Variants in PLCE1 observed in about 807,000 individuals in gnomAD.
The protein encoded by PLCE1 is 1-phosphatidylinositol 4,5-bisphosphate phosphodiesterase epsilon-1.
In PLCE1, 119 loss-of-function variants were observed where a neutral mutation model predicts 242.8. The observed-to-expected ratio is 0.49, with a 90% CI of 0.42 to 0.57. The LOEUF (loss-of-function observed/expected upper bound fraction) is 0.57. PLCE1 is among the 20% of genes least tolerant of loss of function. The probability of loss-of-function intolerance (pLI) is 0.00; values close to 1 mark genes in which losing one functional copy is unlikely to be tolerated. For missense variants in PLCE1, 2,441 were observed against 2,788.8 expected (o/e 0.88, Z 2.81); for synonymous variants, 945 against 1,017.4 (o/e 0.93, Z 1.35).
chr10:94,309,375 G>A (rs1404090542), intron 27 of PLCE1, among the ~76,000 whole-genome samples: 1 of 151,954 alleles, frequency 6.6e-6, no homozygotes. Context: ...CTGTCACCCA[G>A]GTTGGAGTGC....
At chr10:94,195,458 G>C (rs1261265313) in intron 4 of PLCE1, among the ~76,000 whole-genome samples, 2 of 152,084 alleles carry the variant, frequency 1.3e-5, no homozygotes, top group African/African-American at 2.4e-5. Context: ...AATAGAAGCA[G>C]AAGTTTGGAT....
At position 94,032,043 on chromosome 10, in the gene PLCE1, G is replaced by T; in HGVS notation, c.997G>T (p.Asp333Tyr). Residue 333 changes from aspartate to tyrosine, a missense_variant, in exon 2 of 33, where the codon GAC (aspartate) becomes TAC (tyrosine). This residue lies in a region of PLCE1 where 1 missense variants were observed against 16.3 expected (regional missense o/e 0.06). Coordinates refer to ENST00000371380, the MANE Select transcript of PLCE1 (RefSeq NM_016341.4). ...GTTAGTCAGGAGATTCTGTAAAAATGACAGAGAAGTTAAGAAATCTGTGTA... is the reference window on the plus strand; with the variant it reads ...GTTAGTCAGGAGATTCTGTAAAAATTACAGAGAAGTTAAGAAATCTGTGTA... ...TLLVRRFCKNDREVKKSVYTG... is the reference protein window; with the variant it reads ...TLLVRRFCKNYREVKKSVYTG... 6.2e-7 allele frequency: 1 copy of T among 1,613,412 alleles called. No homozygotes were observed. The highest frequency in any genetic ancestry group is 1.1e-5 in the South Asian group (1 of 91,000).
intron 1 of PLCE1, among the ~76,000 whole-genome samples, chr10:94,026,857 C>A (rs2061460462): frequency 6.6e-6 from 1 of 152,136 alleles, no homozygotes; most frequent in Non-Finnish European, 1.5e-5. Flanking sequence ...TTCACTGATA[C>A]AACAGAGCTG....
rs112147788 is a variant in PLCE1 at position 94,146,433 on chromosome 10, G to A, written c.1492+13974G>A. 5.3e-3 allele frequency among the ~76,000 whole-genome samples: 807 copies of A among 152,260 alleles called. 6 individuals are homozygous for A. Among genetic ancestry groups the A allele is most frequent in the African/African-American group, 0.017 (710 of 41,546 alleles). On this transcript the variant is annotated intron_variant, in intron 3 of 32. Coordinates refer to ENST00000371380, the MANE Select transcript of PLCE1 (RefSeq NM_016341.4). ...TCTCCCGCCTCGTGCCAAGGGGTCC[G>A]TGCTGCTAAACTCCTCCCCTGAGTT...
intron 29 of PLCE1, among the ~76,000 whole-genome samples, chr10:94,319,774 G>A (rs2053713059): frequency 6.6e-6 from 1 of 151,734 alleles, no homozygotes; most frequent in Admixed American, 6.6e-5. Flanking sequence ...ATAAGTGAGG[G>A]CTATTGTTAT....
chr10:94,283,729 A>G, intron 20 of PLCE1, 61 bp from the exon 21 acceptor site: 1 of 1,573,280 alleles, frequency 6.4e-7, no homozygotes, highest in Admixed American at 1.7e-5. Context: ...AGTGATGCAC[A>G]TGTAGCTCTT....
chr10:94,010,798 A>G (rs2061154088), intron 1 of PLCE1, among the ~76,000 whole-genome samples: 1 of 152,210 alleles, frequency 6.6e-6, no homozygotes, highest in African/African-American at 2.4e-5. Context: ...CTGCAGTTCC[A>G]ATAACTTCCT....
chr10:94,156,089 C>T (rs566020033), intron 3 of PLCE1, among the ~76,000 whole-genome samples: 1 of 152,198 alleles, frequency 6.6e-6, no homozygotes, highest in African/African-American at 2.4e-5. Context: ...GATAATAATG[C>T]CACAGTGGAA....
At chr10:94,073,114 C>T (rs1174758543) in intron 2 of PLCE1, among the ~76,000 whole-genome samples, 2 of 152,144 alleles carry the variant, frequency 1.3e-5, no homozygotes, top group African/African-American at 4.8e-5. Context: ...TTTCCCACCC[C>T]AAACTTCCAG....
chr10:94,045,816 T>C (rs1419798905), intron 2 of PLCE1, among the ~76,000 whole-genome samples: 1 of 152,074 alleles, frequency 6.6e-6, no homozygotes, highest in African/African-American at 2.4e-5. Flanking sequence ...ATAACCTTGG[T>C]TGGGCCAGGC....
At chr10:94,154,106 C>A (rs1476888206) in intron 3 of PLCE1, among the ~76,000 whole-genome samples, 2 of 152,132 alleles carry the variant, frequency 1.3e-5, no homozygotes, top group African/African-American at 4.8e-5. Flanking sequence ...TGTTGTGATA[C>A]AGGCATAAAG....
chr10:94,231,195 A>G (rs2050132105), intron 5 of PLCE1, among the ~76,000 whole-genome samples: 1 of 152,204 alleles, frequency 6.6e-6, no homozygotes, highest in Non-Finnish European at 1.5e-5. Context: ...ATTCAACAAT[A>G]AAGAATTGAT....
Position 94,316,686 on chromosome 10 carries a change from T to C in PLCE1, c.6272T>C (p.Met2091Thr). The change falls in exon 29 of 33, where the codon ATG becomes ACG. Residue 2091 changes from methionine to threonine, a missense_variant. This residue lies in a region of PLCE1 where 310 missense variants were observed against 317.2 expected (regional missense o/e 0.98). Transcript: ENST00000371380. Reference sequence around the variant, plus strand: ...GCCATTGGTCCAGAAGAGGAGATCATGCAAATTTTAAGCAGCTGGTTTCCA... The same window carrying C: ...GCCATTGGTCCAGAAGAGGAGATCACGCAAATTTTAAGCAGCTGGTTTCCA... ...QRAIGPEEEI[M>T]QILSSWFPEE... is the part of the protein sequence containing the mutation. 6.2e-7 allele frequency: 1 copy of C among 1,614,034 alleles called. No individual in the cohort carries two copies. Among genetic ancestry groups the C allele is most frequent in the Non-Finnish European group, 8.5e-7 (1 of 1,179,922 alleles).
In PLCE1 at chr10:94,110,065, T is replaced by TTTTTC. The variant is rs1266821281; in HGVS notation, c.1207-22105_1207-22104insCTTTT. 7.8e-4 allele frequency among the ~76,000 whole-genome samples: 86 copies of TTTTTC among 110,164 alleles called. 1 individual carries two copies. Among genetic ancestry groups the TTTTTC allele is most frequent in the Non-Finnish European group, 1.3e-3 (67 of 52,388 alleles). The allele number at this position is 110,164 out of a possible 152,430, so 72.3% of individuals were successfully genotyped here. ...TTCCTTTTTTTCTTTTTTCTTTTTT[T>TTTTTC]TTTTTTTTTTTTTTTGAGATGGAGT... On this transcript the variant is annotated intron_variant, in intron 2 of 32. Coordinates refer to ENST00000371380, the MANE Select transcript of PLCE1 (RefSeq NM_016341.4).
At chr10:94,036,240 A>G (rs896247061) in intron 2 of PLCE1, among the ~76,000 whole-genome samples, 1 of 152,208 alleles carries the variant, frequency 6.6e-6, no homozygotes, top group African/African-American at 2.4e-5. Context: ...CACTCTGGCC[A>G]CTGTGGATAT....
intron 2 of PLCE1, among the ~76,000 whole-genome samples, chr10:94,106,912 T>TTCTCTCTCTC (rs771182277): frequency 0.11 from 4,178 of 38,682 alleles, 660 homozygotes; most frequent in Admixed American, 0.22. Context: ...TGTCTCTTGT[T>TTCTCTCTCTC]TCTCTCTCTC....
chr10:94,243,783 G>GT (rs2050588007), intron 7 of PLCE1, among the ~76,000 whole-genome samples: 2 of 151,396 alleles, frequency 1.3e-5, no homozygotes. Flanking sequence ...TTTCTTTGTA[G>GT]TTTTTCTACT....
intron 19 of PLCE1, among the ~76,000 whole-genome samples, chr10:94,276,469 GACTA>G (rs1232156106): frequency 5.3e-5 from 8 of 152,140 alleles, no homozygotes; most frequent in African/African-American, 1.9e-4. Context: ...AAATCTGACT[GACTA>G]AGTCAGAATT....
At chr10:94,271,186 A>C (rs1367775738) in intron 18 of PLCE1, among the ~76,000 whole-genome samples, 1 of 151,994 alleles carries the variant, frequency 6.6e-6, no homozygotes, top group Non-Finnish European at 1.5e-5. Context: ...AGGATAGACC[A>C]ACTCTCCAAC....
Sources: gnomAD v4.1 joint callset for allele counts (sites outside exome capture counted in the v4.1 genomes callset) on GRCh38, gnomAD v4.1.1 for gene constraint, gnomAD v4.1.1 regional missense constraint, MANE v1.5 for transcripts, NCBI Gene and HGNC (gene_info 2026-07-23, HGNC 2026-07-21) for gene names.